Variants in CRTC1 observed in about 807,000 individuals in gnomAD.
CRTC1 encodes the protein CREB regulated transcription coactivator 1, also known as CREB-regulated transcription coactivator 1.
Under a neutral mutation model 66.1 loss-of-function variants are expected in CRTC1, and 18 were observed. That is an observed-to-expected ratio of 0.27 (90% CI 0.19 to 0.40). CRTC1 has a LOEUF of 0.40. Ranked by LOEUF, CRTC1 falls within the 10% of genes least tolerant of loss-of-function variation. CRTC1 has a pLI of 1.00. For synonymous variants in CRTC1, 416 were observed against 398.8 expected (o/e 1.04, Z -0.51); for missense variants, 669 against 887.9 (o/e 0.75, Z 3.13).
chr19:18,688,396 A>C (rs1272642915), intron 1 of CRTC1, among the ~76,000 whole-genome samples: 1 of 152,038 alleles, frequency 6.6e-6, no homozygotes, highest in East Asian at 1.9e-4. Flanking sequence ...ATCTCCCCTG[A>C]GGGAGGGGTC....
chr19:18,777,861 G>A lies in CRTC1; in HGVS notation c.*479G>A, dbSNP rs2055029295. On this transcript the variant is annotated 3_prime_UTR_variant, in exon 14 of 14. Coordinates refer to ENST00000321949, the MANE Select transcript of CRTC1 (RefSeq NM_015321.3). This position sits in a 1 kb window ranked among gnomAD's most constrained non-coding sequence, Gnocchi z 5.5. ...AGCCCATCCGCCATCCCCAGCCCGT[G>A]GTCAGGTAGAGAGTGAGCCCCACGC... 1 of 292,734 alleles carries A rather than the reference G, an allele frequency of 3.4e-6. No homozygotes were observed. Among genetic ancestry groups the A allele is most frequent in the Non-Finnish European group, 6.4e-6 (1 of 156,012 alleles). The allele number at this position is 292,734 out of a possible 1,614,324, so 18.1% of individuals were successfully genotyped here.
rs763495574 is a variant in CRTC1, at chr19:18,777,240, G to C, written c.1763G>C (p.Ser588Thr). ...TCTCTGGCCGGGGTCGGCGACGTCA[G>C]CTTCGACTCCGACAGCCAGTTTCCC... The part of the protein sequence containing the change: ...TSSLAGVGDV[S>T]FDSDSQFPLD... The change falls in exon 14 of 14, where the codon AGC (serine) becomes ACC (threonine). Residue 588 changes from serine to threonine, a missense_variant. By Grantham distance (58) the Ser-to-Thr change is moderately conservative (BLOSUM62 1). This residue lies in a region of CRTC1 where 91 missense variants were observed against 99.1 expected (regional missense o/e 0.92). Transcript: ENST00000321949. The surrounding 1 kb of genome is among the most constrained non-coding windows in gnomAD (Gnocchi z 5.5). 5 of 1,611,092 alleles carry C rather than the reference G, an allele frequency of 3.1e-6. No homozygotes were observed. Among genetic ancestry groups the C allele is most frequent in the Non-Finnish European group, 4.2e-6 (5 of 1,179,798 alleles).
chr19:18,745,257 G>C (rs1057181829), intron 2 of CRTC1, among the ~76,000 whole-genome samples: 1 of 152,186 alleles, frequency 6.6e-6, no homozygotes, highest in Non-Finnish European at 1.5e-5. Flanking sequence ...AGGAGGCTGC[G>C]GGGGAGGGTG....
At chr19:18,692,739 G>A (rs955879813) in intron 1 of CRTC1, among the ~76,000 whole-genome samples, 1 of 152,138 alleles carries the variant, frequency 6.6e-6, no homozygotes, top group African/African-American at 2.4e-5. Context: ...AGATGTCCCT[G>A]GCTCAGGAAC....
At chr19:18,776,634 A>AC (rs1490647983) in intron 13 of CRTC1, among the ~76,000 whole-genome samples, 1 of 151,758 alleles carries the variant, frequency 6.6e-6, no homozygotes, top group East Asian at 1.9e-4. Flanking sequence ...TCAGAATCTG[A>AC]CCCCCGCAAT....
rs1020741710 is a variant in CRTC1 at position 18,760,871 on chromosome 19, C to A, written c.886+643C>A. ...CTGACCCATTGTCAGCGTGTCCTGT[C>A]GGTTCCGCCCTCAGGACCTGGCCTG... On this transcript the variant is annotated intron_variant, in intron 8 of 13. Coordinates refer to ENST00000321949, the MANE Select transcript of CRTC1 (RefSeq NM_015321.3). This position sits in a 1 kb window ranked among gnomAD's most constrained non-coding sequence, Gnocchi z 6.2. Among the ~76,000 whole-genome samples the A allele has an allele frequency of 6.6e-6, 1 of 151,966 alleles. No homozygotes were observed. Among genetic ancestry groups the A allele is most frequent in the African/African-American group, 2.4e-5 (1 of 41,356 alleles).
At chr19:18,711,121 G>T (rs1219574967) in intron 1 of CRTC1, among the ~76,000 whole-genome samples, 2 of 152,158 alleles carry the variant, frequency 1.3e-5, no homozygotes, top group Non-Finnish European at 2.9e-5. Flanking sequence ...GGTGAGACCC[G>T]CATTCCCAGC....
At chr19:18,713,446 CTGTT>C (rs1420877015) in intron 1 of CRTC1, among the ~76,000 whole-genome samples, 13 of 152,188 alleles carry the variant, frequency 8.5e-5, no homozygotes, top group South Asian at 2.1e-4. Context: ...CTGGGTTTAA[CTGTT>C]TGAGTAGTGG....
chr19:18,707,549 T>C (rs770108309), intron 1 of CRTC1, among the ~76,000 whole-genome samples: 2 of 152,248 alleles, frequency 1.3e-5, no homozygotes, highest in Non-Finnish European at 2.9e-5. Flanking sequence ...CCTCCAATTT[T>C]GTTATTTTTC....
rs753585499 is a variant in CRTC1 at position 18,781,316 on chromosome 19, A to C, written c.*3934A>C. 3 of 228,412 alleles carry C rather than the reference A, an allele frequency of 1.3e-5. No individual in the cohort carries two copies. Among genetic ancestry groups the C allele is most frequent in the Non-Finnish European group, 2.6e-5 (3 of 115,208 alleles). 14.1% of individuals were successfully genotyped at this position (228,412 alleles called of 1,614,324 possible). A position where few individuals can be genotyped will look rare whatever the true frequency, so the allele number is the denominator to read the frequency against. On this transcript the variant is annotated 3_prime_UTR_variant, in exon 14 of 14. Coordinates refer to ENST00000321949, the MANE Select transcript of CRTC1 (RefSeq NM_015321.3). The stretch of plus-strand genomic sequence containing the variant: ...TGGGAGGCCTGCCTGGGCTACATGG[A>C]CACCTGGGTCTCTTTCTACCCCCAT...
Position 18,768,714 on chromosome 19 carries a change from C to T in CRTC1, c.1241C>T (p.Ala414Val). 3.1e-6 allele frequency: 5 copies of T among 1,594,380 alleles called. No individual in the cohort carries two copies. The highest frequency in any genetic ancestry group is 4.3e-6 in the Non-Finnish European group (5 of 1,171,860). ...LTRGPQPPPL[A>V]VTVPSSLPQS... Reference sequence around the variant, plus strand: ...CGTGGGCCACAGCCGCCCCCGCTTGCAGTCACGGTACCGTCCTCTCTCCCC... The same window carrying T: ...CGTGGGCCACAGCCGCCCCCGCTTGTAGTCACGGTACCGTCCTCTCTCCCC... The change falls in exon 10 of 14, where the codon GCA (alanine) becomes GTA (valine). Residue 414 changes from alanine (A) to valine (V), a missense_variant. Physicochemically the swap from Ala to Val is moderately conservative, Grantham distance 64 (BLOSUM62 0). Transcript: ENST00000321949. The surrounding 1 kb of genome is among the most constrained non-coding windows in gnomAD (Gnocchi z 5.6).
intron 1 of CRTC1, among the ~76,000 whole-genome samples, chr19:18,691,570 G>C (rs1407539381): frequency 6.6e-6 from 1 of 151,518 alleles, no homozygotes; most frequent in Non-Finnish European, 1.5e-5. Context: ...AGAGACACAG[G>C]GGAGAGGACC....
chr19:18,702,773 A>T (rs2053176256), intron 1 of CRTC1, among the ~76,000 whole-genome samples: 2 of 150,742 alleles, frequency 1.3e-5, no homozygotes, highest in Non-Finnish European at 1.5e-5. Context: ...ACCTCAGGTG[A>T]TCCACCTGCC....
intron 6 of CRTC1, among the ~76,000 whole-genome samples, chr19:18,757,437 A>C (rs935682859): frequency 3.9e-5 from 6 of 152,104 alleles, no homozygotes; most frequent in African/African-American, 1.2e-4. Flanking sequence ...TCTGTCTGTG[A>C]GCGGTGGGGG....
At chr19:18,774,665 G>T (rs1290261773) in intron 11 of CRTC1, among the ~76,000 whole-genome samples, 2 of 152,212 alleles carry the variant, frequency 1.3e-5, no homozygotes, top group Non-Finnish European at 2.9e-5. Context: ...AGGAGATGGG[G>T]ATGGGGCCTT....
In CRTC1 at chr19:18,768,461, G is replaced by C. The variant is rs1411165786; in HGVS notation, c.1012-24G>C. 6.2e-7 allele frequency: 1 copy of C among 1,602,788 alleles called. No individual in the cohort carries two copies. Among genetic ancestry groups the C allele is most frequent in the Admixed American group, 1.7e-5 (1 of 59,640 alleles). On this transcript the variant is annotated intron_variant, in intron 9 of 13. Coordinates refer to ENST00000321949, the MANE Select transcript of CRTC1 (RefSeq NM_015321.3). The surrounding 1 kb of genome is among the most constrained non-coding windows in gnomAD (Gnocchi z 5.6). ...GGCGCTGACAACCAGGGCCCGCCCT[G>C]CCTGACGCTCTCCTCTCCTGCAGGC...
chr19:18,747,129 A>ACCGCC lies in CRTC1; in HGVS notation c.443+17_443+18insGCCCC, dbSNP rs2054259820. 1.1e-6 allele frequency: 1 copy of ACCGCC among 925,748 alleles called. No individual in the cohort carries two copies. Among genetic ancestry groups the ACCGCC allele is most frequent in the African/African-American group, 2.4e-5 (1 of 41,618 alleles). 57.3% of individuals were successfully genotyped at this position (925,748 alleles called of 1,614,324 possible). A position where few individuals can be genotyped will look rare whatever the true frequency, so the allele number is the denominator to read the frequency against. On this transcript the variant is annotated intron_variant, in intron 4 of 13. Transcript: ENST00000321949. ...AGCTGGAGAAGGTCAGTGGCTGGAC[A>ACCGCC]CCCCCCCCCCGCCCCCTTCTTGTTG...
chr19:18,777,427 T>G lies in CRTC1; in HGVS notation c.*45T>G. ...GCCGCTCAGCCGTCCCGACGGCGCC[T>G]CCCCAGCCCGGGGACGGCCGTGCTC... On this transcript the variant is annotated 3_prime_UTR_variant, in exon 14 of 14. Coordinates refer to ENST00000321949, the MANE Select transcript of CRTC1 (RefSeq NM_015321.3). The surrounding 1 kb of genome is among the most constrained non-coding windows in gnomAD (Gnocchi z 5.5). 1 of 1,548,148 alleles carries G rather than the reference T, an allele frequency of 6.5e-7. No individual in the cohort carries two copies. Among genetic ancestry groups the G allele is most frequent in the Non-Finnish European group, 8.8e-7 (1 of 1,134,530 alleles).
At chr19:18,751,654 T>C in intron 5 of CRTC1, among the ~76,000 whole-genome samples, 1 of 152,192 alleles carries the variant, frequency 6.6e-6, no homozygotes, top group Non-Finnish European at 1.5e-5. Context: ...GCTCAGACTC[T>C]CCCTCTCCTC....
Sources: allele counts gnomAD v4.1 joint callset (sites outside exome capture counted in the v4.1 genomes callset), GRCh38; gene constraint gnomAD v4.1.1; regional missense constraint gnomAD v4.1.1; non-coding constraint Gnocchi (gnomAD v3.1); transcripts MANE v1.5; gene names NCBI Gene and HGNC (gene_info 2026-07-23, HGNC 2026-07-21).